The following SCEL variants were observed in gnomAD, a reference collection of about 807,000 sequenced individuals.
SCEL encodes the protein sciellin.
In SCEL, 113 loss-of-function variants were observed where a neutral mutation model predicts 117.6. That is an observed-to-expected ratio of 0.96 (90% confidence interval 0.83 to 1.12). The LOEUF is 1.12. Among genes scored for constraint, SCEL ranks in the 50% most tolerant of loss-of-function variants. SCEL has a pLI of 0.00. For missense variants in SCEL, 785 were observed against 810.8 expected, an observed-to-expected ratio of 0.97 and a Z score of 0.39; for synonymous variants, 270 against 256.2, an observed-to-expected ratio of 1.05 and a Z score of -0.51.
intron 12 of SCEL, among the ~76,000 whole-genome samples, chr13:77,596,688 GGTGTGTGTGT>G (rs71102762): frequency 7.6e-5 from 11 of 145,464 alleles, no homozygotes; most frequent in African/African-American, 2.0e-4. Flanking sequence ...GGTGGGGCAA[GGTGTGTGTGT>G]GTGTGTGTGT....
intron 11 of SCEL, among the ~76,000 whole-genome samples, chr13:77,593,300 G>GTGCACGCGTC (rs1555510800): frequency 6.9e-6 from 1 of 145,148 alleles, no homozygotes; most frequent in African/African-American, 2.6e-5. Flanking sequence ...GTGTGTGTCT[G>GTGCACGCGTC]TGTGTGTGTG....
chr13:77,618,510 C>T (rs1293358123), intron 27 of SCEL, among the ~76,000 whole-genome samples: 2 of 152,000 alleles, frequency 1.3e-5, no homozygotes, highest in Non-Finnish European at 2.9e-5. Flanking sequence ...TTTCTCCTTT[C>T]TTCCTTCCTG....
intron 5 of SCEL, 67 bp downstream of exon 5, chr13:77,563,966 T>C: frequency 2.6e-6 from 3 of 1,141,696 alleles, no homozygotes; most frequent in South Asian, 1.7e-5. Context: ...AATAAAGTTA[T>C]GAAGTATTTA....
chr13:77,575,192 A>G (rs1269703293), intron 9 of SCEL, among the ~76,000 whole-genome samples: 1 of 152,102 alleles, frequency 6.6e-6, no homozygotes, highest in East Asian at 1.9e-4. Context: ...CTTGTGTTGT[A>G]TTGTGTTTTG....
intron 28 of SCEL, among the ~76,000 whole-genome samples, chr13:77,628,713 A>G (rs983303601): frequency 3.3e-5 from 5 of 152,124 alleles, no homozygotes; most frequent in African/African-American, 4.8e-5. Context: ...TATTTTTTCT[A>G]TGAAAAGAAA....
intron 9 of SCEL, among the ~76,000 whole-genome samples, 170 bp from the exon 10 acceptor site, chr13:77,588,974 C>T (rs2086715084): frequency 6.6e-6 from 1 of 152,154 alleles, no homozygotes; most frequent in African/African-American, 2.4e-5. Context: ...CAATATTTGA[C>T]TTCTTTAAAG....
At chr13:77,579,668 A>G (rs1011485989) in intron 9 of SCEL, among the ~76,000 whole-genome samples, 18 of 152,212 alleles carry the variant, frequency 1.2e-4, no homozygotes, top group Non-Finnish European at 2.9e-5. Context: ...CCTTGGGAGT[A>G]TGATAAACAC....
chr13:77,547,532 C>G (rs187715841), intron 1 of SCEL, among the ~76,000 whole-genome samples: 1 of 152,172 alleles, frequency 6.6e-6, no homozygotes, highest in South Asian at 2.1e-4. Flanking sequence ...CCCTCCATCC[C>G]TCACTCTCTC....
chr13:77,553,404 G>A (rs939586568), intron 1 of SCEL, among the ~76,000 whole-genome samples: 10 of 152,076 alleles, frequency 6.6e-5, no homozygotes, highest in Admixed American at 5.9e-4. Context: ...AGTGCAATCA[G>A]CTGAGAACTC....
chr13:77,547,162 C>T (rs898285929), intron 1 of SCEL, among the ~76,000 whole-genome samples: 7 of 152,070 alleles, frequency 4.6e-5, no homozygotes, highest in African/African-American at 1.7e-4. Flanking sequence ...CCTTATTGTC[C>T]TCTCCCATTG....
intron 27 of SCEL, among the ~76,000 whole-genome samples, chr13:77,619,836 T>C (rs2089312795): frequency 6.6e-6 from 1 of 152,082 alleles, no homozygotes; most frequent in African/African-American, 2.4e-5. Context: ...CAGTGAAAAA[T>C]GTAGTCTCTC....
intron 15 of SCEL, among the ~76,000 whole-genome samples, chr13:77,600,284 A>G (rs1594078738): frequency 6.6e-6 from 1 of 152,112 alleles, no homozygotes; most frequent in East Asian, 1.9e-4. Flanking sequence ...GCCCGCCACC[A>G]CGCCCAGCTA....
rs1401543702 is a variant in SCEL, at chr13:77,644,954, G to A, written c.*680G>A. The A allele has an allele frequency of 1.3e-5, 2 of 152,116 alleles. No individual in the cohort carries two copies. The highest frequency in any genetic ancestry group is 2.1e-4 in the South Asian group (1 of 4,830). The allele number at this position is 152,116 out of a possible 1,614,324, so 9.4% of individuals were successfully genotyped here. On this transcript the variant is annotated 3_prime_UTR_variant, in exon 33 of 33. Coordinates refer to ENST00000349847, the MANE Select transcript of SCEL (RefSeq NM_144777.3). ...ATGTTTGTTAAGCCTATTGAACTAGGTAGGACATATAAACAATTTAATTTT... is the reference window on the plus strand; with the variant it reads ...ATGTTTGTTAAGCCTATTGAACTAGATAGGACATATAAACAATTTAATTTT...
rs1036349969 is a variant in SCEL, at chr13:77,617,530, C to T, written c.1452-69C>T. ...GTCTCATACTATTATCCTTTCTATC[C>T]ATTTCCAATTACCTTAAACCTGTGA... is the stretch of plus-strand genomic sequence containing the variant. On this transcript the variant is annotated intron_variant, in intron 24 of 32. Transcript: ENST00000349847. 4.5e-6 allele frequency: 4 copies of T among 879,308 alleles called. No individual in the cohort carries two copies. The African/African-American group carries it at 6.8e-5, about 15-fold the overall frequency. The allele number at this position is 879,308 out of a possible 1,614,324, so 54.5% of individuals were successfully genotyped here.
chr13:77,557,050 C>T (rs534305478), intron 3 of SCEL, among the ~76,000 whole-genome samples: 2 of 152,212 alleles, frequency 1.3e-5, no homozygotes, highest in African/African-American at 2.4e-5. Flanking sequence ...AATCCATGAT[C>T]GGACAATCCT....
At chr13:77,599,965 C>T in intron 15 of SCEL, 2 of 528,920 alleles carry the variant, frequency 3.8e-6, no homozygotes, top group South Asian at 5.5e-5. Context: ...GCTCTGTTTC[C>T]TCATTCCATA....
chr13:77,620,367 C>T (rs769859589), intron 27 of SCEL, among the ~76,000 whole-genome samples: 1 of 152,096 alleles, frequency 6.6e-6, no homozygotes, highest in Admixed American at 6.6e-5. Context: ...AGAACAGTCA[C>T]AAGGCACTGT....
chr13:77,576,975 CACATTG>C (rs2085978424), intron 9 of SCEL, among the ~76,000 whole-genome samples: 1 of 152,274 alleles, frequency 6.6e-6, no homozygotes, highest in African/African-American at 2.4e-5. Context: ...GCGATTTTCA[CACATTG>C]ATTTTGTATC....
chr13:77,610,336 C>T (rs764810636), intron 22 of SCEL, among the ~76,000 whole-genome samples: 6 of 151,406 alleles, frequency 4.0e-5, no homozygotes, highest in African/African-American at 1.2e-4. Context: ...CCTGTAGTCT[C>T]AGCTACTCGG....
Sources: gnomAD v4.1 joint callset for allele counts (sites outside exome capture counted in the v4.1 genomes callset) on GRCh38, gnomAD v4.1.1 for gene constraint, MANE v1.5 for transcripts, NCBI Gene and HGNC (gene_info 2026-07-23, HGNC 2026-07-21) for gene names.